The following MAP7 variants were observed in gnomAD, a reference collection of about 807,000 sequenced individuals.
MAP7 encodes microtubule associated protein 7.
In MAP7, 52 loss-of-function variants were observed where a neutral mutation model predicts 94.8. The observed-to-expected ratio is 0.55, with a 90% confidence interval of 0.44 to 0.69. The LOEUF (loss-of-function observed/expected upper bound fraction) is 0.69. Among genes scored for constraint, MAP7 ranks in the 30% least tolerant of loss-of-function variants. The pLI, the probability that MAP7 is intolerant of heterozygous loss-of-function variation, is 0.00. For synonymous variants in MAP7, 350 were observed against 357.0 expected, an observed-to-expected ratio of 0.98 and a Z score of 0.22; for missense variants, 940 against 964.6, an observed-to-expected ratio of 0.97 and a Z score of 0.34.
chr6:136,404,722 A>G (rs1172412023), intron 3 of MAP7, among the ~76,000 whole-genome samples: 1 of 152,236 alleles, frequency 6.6e-6, no homozygotes, highest in Non-Finnish European at 1.5e-5. Context: ...AGTATGTTCC[A>G]AGGCACTTAA....
chr6:136,472,141 G>C (rs1809237791), intron 1 of MAP7, among the ~76,000 whole-genome samples: 1 of 151,850 alleles, frequency 6.6e-6, no homozygotes, highest in Admixed American at 6.6e-5. Context: ...CCATTTTTTT[G>C]CAACAGCTCA....
intron 2 of MAP7, among the ~76,000 whole-genome samples, chr6:136,413,706 G>A (rs1788260084): frequency 6.6e-6 from 1 of 151,934 alleles, no homozygotes; most frequent in South Asian, 2.1e-4. Flanking sequence ...TGACCTCCTG[G>A]GTTCAAGTGA....
rs1457002554 is a variant in MAP7, at chr6:136,536,219, T to C, written c.67+14123A>G. ...TTAATTTCCAAGAAGTAGATATTAC[T>C]AGCAATCCAGCAAGGTTTTTTTGTT... On this transcript the variant is annotated intron_variant, in intron 1 of 17. Transcript: ENST00000354570. Among the ~76,000 whole-genome samples, 5 of 152,340 alleles carry C rather than the reference T, an allele frequency of 3.3e-5. No individual in the cohort carries two copies. The South Asian group carries it at 6.2e-4, about 19-fold the overall frequency.
intron 15 of MAP7, 77 bp from the exon 16 acceptor site, chr6:136,356,871 C>A: frequency 8.6e-7 from 1 of 1,166,384 alleles, no homozygotes. Flanking sequence ...AGCCAGAATG[C>A]CTTGATTTAT....
At chr6:136,496,459 TTC>T (rs1818258199) in intron 1 of MAP7, among the ~76,000 whole-genome samples, 1 of 151,158 alleles carries the variant, frequency 6.6e-6, no homozygotes, top group Non-Finnish European at 1.5e-5. Flanking sequence ...GTTTCTCTGG[TTC>T]TCTTTTTCTT....
rs370619476 is a variant in MAP7, at chr6:136,547,575, AT to A, written c.67+2766del. Among the ~76,000 whole-genome samples the A allele has an allele frequency of 1.8e-3, 277 of 150,482 alleles. 2 individuals are homozygous for A. The East Asian group carries it at 0.02, about 11-fold the overall frequency. On this transcript the variant is annotated intron_variant, in intron 1 of 17. Coordinates refer to ENST00000354570, the MANE Select transcript of MAP7 (RefSeq NM_003980.6). ...ATGTCTTAAACTTGTTTCCAAGGCA[AT>A]TTTTTTTTTCCCAGCTCTTAACTTT...
chr6:136,523,334 G>A (rs1464637423), intron 1 of MAP7, among the ~76,000 whole-genome samples: 2 of 152,212 alleles, frequency 1.3e-5, no homozygotes, highest in East Asian at 1.9e-4. Context: ...AATTCAGAAC[G>A]TAACAATGCT....
intron 3 of MAP7, among the ~76,000 whole-genome samples, chr6:136,397,917 A>G (rs1318073856): frequency 1.3e-5 from 2 of 152,078 alleles, no homozygotes; most frequent in African/African-American, 4.8e-5. Context: ...ATTAACCTTT[A>G]CTCTTCTGAA....
chr6:136,457,484 G>A (rs928441880), intron 1 of MAP7, among the ~76,000 whole-genome samples: 3 of 152,044 alleles, frequency 2.0e-5, no homozygotes, highest in South Asian at 2.1e-4. Context: ...CGGTGTTACC[G>A]TTACCCCATA....
At chr6:136,439,410 T>G (rs1183279416) in intron 1 of MAP7, among the ~76,000 whole-genome samples, 2 of 152,194 alleles carry the variant, frequency 1.3e-5, no homozygotes, top group Non-Finnish European at 2.9e-5. Context: ...CTAGAACTTC[T>G]CAGACCCCAG....
intron 1 of MAP7, among the ~76,000 whole-genome samples, chr6:136,523,879 T>TA (rs947704900): frequency 1.1e-4 from 17 of 152,034 alleles, no homozygotes; most frequent in African/African-American, 3.9e-4. Flanking sequence ...TCTTCCTTTT[T>TA]AAAAAAATAC....
At chr6:136,425,774 T>C (rs965810343) in intron 1 of MAP7, among the ~76,000 whole-genome samples, 1 of 152,170 alleles carries the variant, frequency 6.6e-6, no homozygotes, top group Non-Finnish European at 1.5e-5. Context: ...TTAGTTTAAA[T>C]TCCTCATAAT....
In MAP7 at chr6:136,418,258, C is replaced by T. The variant is rs1790156546; in HGVS notation, c.166+3443G>A. Among the ~76,000 whole-genome samples, 4 of 152,312 alleles carry T rather than the reference C, an allele frequency of 2.6e-5. No individual in the cohort carries two copies. The South Asian group carries it at 8.3e-4, about 32-fold the overall frequency. ...TGAGACAGAGTCTCGCTCTGTTGCC[C>T]AGGCTAGAGTATAGTGGCGGATCTC... On this transcript the variant is annotated intron_variant, in intron 2 of 17. Coordinates refer to ENST00000354570, the MANE Select transcript of MAP7 (RefSeq NM_003980.6).
chr6:136,505,277 GTATATATATATATATATATA>G (rs56764706), intron 1 of MAP7, among the ~76,000 whole-genome samples: 2 of 53,810 alleles, frequency 3.7e-5, no homozygotes, highest in South Asian at 8.2e-4. Flanking sequence ...GTGTGTGTGT[GTATATATATATATATATATA>G]TATATATATA....
chr6:136,400,445 C>T (rs967133430), intron 3 of MAP7, among the ~76,000 whole-genome samples: 1 of 146,632 alleles, frequency 6.8e-6, no homozygotes, highest in Admixed American at 6.8e-5. Context: ...TTGGGGGAAA[C>T]AACATTTTTT....
At chr6:136,429,065 C>T (rs1794130582) in intron 1 of MAP7, among the ~76,000 whole-genome samples, 1 of 152,136 alleles carries the variant, frequency 6.6e-6, no homozygotes, top group Admixed American at 6.5e-5. Context: ...GGCACACATC[C>T]ATTCCTCTCT....
At chr6:136,418,494 C>T (rs927932750) in intron 2 of MAP7, among the ~76,000 whole-genome samples, 2 of 152,282 alleles carry the variant, frequency 1.3e-5, no homozygotes, top group East Asian at 1.9e-4. Flanking sequence ...GGATTACAGG[C>T]GTGAGCCACC....
chr6:136,490,758 T>C (rs1159874210), intron 1 of MAP7, among the ~76,000 whole-genome samples: 1 of 152,206 alleles, frequency 6.6e-6, no homozygotes, highest in East Asian at 1.9e-4. Context: ...TACCTACCTG[T>C]GCTGCTTGGA....
chr6:136,372,597 G>T lies in MAP7; in HGVS notation c.780C>A (p.Tyr260Ter). The change falls in exon 8 of 18, where the codon TAC becomes TAA. Residue 260 changes from tyrosine to a stop codon, truncating the protein, a stop_gained. Transcript: ENST00000354570. LOFTEE classifies it high-confidence loss of function. The stretch of plus-strand genomic sequence containing the variant: ...TCGAATTTCTAGAGTGTGCAGCTTT[G>T]TAGGGCATGATGATGGGGCTGCAAG... The part of the protein sequence containing the change: ...AASCSPIIMP[Y>*]KAAHSRNSMD... 2.5e-6 allele frequency: 4 copies of T among 1,614,216 alleles called. No homozygotes were observed. Among genetic ancestry groups the T allele is most frequent in the Non-Finnish European group, 3.4e-6 (4 of 1,180,028 alleles).
Sources: gnomAD v4.1 joint callset for allele counts (sites outside exome capture counted in the v4.1 genomes callset) on GRCh38, gnomAD v4.1.1 for gene constraint, MANE v1.5 for transcripts, NCBI Gene and HGNC (gene_info 2026-07-23, HGNC 2026-07-21) for gene names.